DBT: variants seen among roughly 807,000 people sequenced by gnomAD.
The protein encoded by DBT is dihydrolipoamide branched chain transacylase E2, also known as lipoamide acyltransferase component of branched-chain alpha-keto acid dehydrogenase complex, mitochondrial.
In DBT, 40 loss-of-function variants were observed where a neutral mutation model predicts 51.3. The observed-to-expected ratio is 0.78, with a 90% CI of 0.61 to 1.02. The LOEUF is 1.02. DBT is among the 50% of genes least tolerant of loss of function. The pLI is 0.00. For missense variants in DBT, 510 were observed against 580.2 expected, an observed-to-expected ratio of 0.88 and a Z score of 1.24; for synonymous variants, 181 against 190.4, an observed-to-expected ratio of 0.95 and a Z score of 0.41.
At chr1:100,241,990 C>T (rs1292057897) in intron 1 of DBT, among the ~76,000 whole-genome samples, 3 of 151,618 alleles carry the variant, frequency 2.0e-5, no homozygotes, top group African/African-American at 7.3e-5. Context: ...CACTGCACTC[C>T]AGCCTGGTGA....
Position 100,240,729 on chromosome 1 carries a change from T to G in DBT, c.175+32A>C, listed in dbSNP as rs368770531. The G allele has an allele frequency of 1.8e-5, 28 of 1,553,402 alleles. No homozygotes were observed. The African/African-American group carries it at 3.1e-4, about 17-fold the overall frequency. ...TTACTGAATGAGGTACAAAACATTA[T>G]TTTATACACGTTATTTTGAAATCAT... On this transcript the variant is annotated intron_variant, in intron 2 of 10. Transcript: ENST00000370132.
intron 5 of DBT, among the ~76,000 whole-genome samples, chr1:100,216,453 T>A (rs1013327121): frequency 1.3e-5 from 2 of 152,172 alleles, no homozygotes; most frequent in East Asian, 1.9e-4. Context: ...TTTAAAAAAA[T>A]TTTTTGTAGA....
intron 3 of DBT, among the ~76,000 whole-genome samples, 179 bp from the exon 4 acceptor site, chr1:100,231,093 T>C (rs896285699): frequency 1.3e-5 from 2 of 152,200 alleles, no homozygotes; most frequent in African/African-American, 4.8e-5. Flanking sequence ...CTCTTCAATG[T>C]ATCTGCAAGA....
In DBT at chr1:100,207,005, G is replaced by A. The variant is rs569647585; in HGVS notation, c.1018-369C>T. 5.3e-5 allele frequency among the ~76,000 whole-genome samples: 8 copies of A among 152,304 alleles called. No individual in the cohort carries two copies. The South Asian group carries it at 1.7e-3, about 32-fold the overall frequency. ...GAGGCACGAGAATCGCTTGAACCTG[G>A]GAGGTGGAGGTTGCAGTGGGCCGAG... On this transcript the variant is annotated intron_variant, in intron 8 of 10. Coordinates refer to ENST00000370132, the MANE Select transcript of DBT (RefSeq NM_001918.5).
Position 100,247,927 on chromosome 1 carries a change from C to G in DBT, c.51+1843G>C, listed in dbSNP as rs1570855515. 2.6e-5 allele frequency among the ~76,000 whole-genome samples: 4 copies of G among 151,884 alleles called. No homozygotes were observed. In the South Asian group the frequency reaches 8.3e-4, roughly 32 times the overall value. Reference sequence around the variant, plus strand: ...GACCAGCCTGGCCATCATGGTGAAACCTCGTCTCTACTAAAAATACAAAAA... The same window carrying G: ...GACCAGCCTGGCCATCATGGTGAAAGCTCGTCTCTACTAAAAATACAAAAA... On this transcript the variant is annotated intron_variant, in intron 1 of 10. Coordinates refer to ENST00000370132, the MANE Select transcript of DBT (RefSeq NM_001918.5).
At chr1:100,222,529 C>T (rs1247905063) in intron 4 of DBT, among the ~76,000 whole-genome samples, 1 of 152,102 alleles carries the variant, frequency 6.6e-6, no homozygotes, top group Non-Finnish European at 1.5e-5. Context: ...CTAACTCCAC[C>T]ACTTAGTAGC....
chr1:100,230,047 T>C (rs1472855906), intron 4 of DBT, among the ~76,000 whole-genome samples: 1 of 152,220 alleles, frequency 6.6e-6, no homozygotes, highest in Non-Finnish European at 1.5e-5. Context: ...CTTTTTTTTT[T>C]GTATCAGTGG....
chr1:100,245,414 TCA>T (rs1432520453), intron 1 of DBT, among the ~76,000 whole-genome samples: 1 of 152,148 alleles, frequency 6.6e-6, no homozygotes, highest in African/African-American at 2.4e-5. Context: ...TATGGAATTA[TCA>T]GTTTTATATA....
At chr1:100,229,267 A>G (rs1359346287) in intron 4 of DBT, among the ~76,000 whole-genome samples, 1 of 152,142 alleles carries the variant, frequency 6.6e-6, no homozygotes, top group Non-Finnish European at 1.5e-5. Context: ...TCCCGGGTTC[A>G]AGCGATTCTC....
At chr1:100,237,779 G>A (rs12135215) in intron 2 of DBT, among the ~76,000 whole-genome samples, 4,463 of 152,004 alleles carry the variant, frequency 0.029, 87 homozygotes, top group Middle Eastern at 0.044. Context: ...CTGACTACAA[G>A]TCCATACCAC....
chr1:100,230,512 C>G (rs1663478777), intron 4 of DBT, among the ~76,000 whole-genome samples: 1 of 152,040 alleles, frequency 6.6e-6, no homozygotes, highest in Non-Finnish European at 1.5e-5. Context: ...CCTTTTCCCC[C>G]CCACCTTTGG....
At chr1:100,235,818 A>G (rs1663829805) in intron 2 of DBT, among the ~76,000 whole-genome samples, 1 of 152,216 alleles carries the variant, frequency 6.6e-6, no homozygotes, top group African/African-American at 2.4e-5. Flanking sequence ...TTTTGAAACA[A>G]TGTAATGAAT....
chr1:100,223,773 C>T (rs896964748), intron 4 of DBT, among the ~76,000 whole-genome samples: 1 of 151,912 alleles, frequency 6.6e-6, no homozygotes, highest in African/African-American at 2.4e-5. Context: ...TGGTCTAAAC[C>T]ACATTTACAG....
At chr1:100,225,024 A>C (rs1391929848) in intron 4 of DBT, among the ~76,000 whole-genome samples, 23 of 70,638 alleles carry the variant, frequency 3.3e-4, no homozygotes, top group African/African-American at 1.4e-3. Flanking sequence ...TCTCCCCCCA[A>C]AAAAAAAAAA....
At position 100,189,918 on chromosome 1, in the gene DBT, A is replaced by G. The variant is rs1660736259; in HGVS notation, c.*6337T>C. The G allele has an allele frequency of 6.6e-6, 1 of 152,224 alleles. No homozygotes were observed. Among genetic ancestry groups the G allele is most frequent in the South Asian group, 2.1e-4 (1 of 4,826 alleles). 9.4% of individuals were successfully genotyped at this position (152,224 alleles called of 1,614,324 possible). A position where few individuals can be genotyped will look rare whatever the true frequency, so the allele number is the denominator to read the frequency against. On this transcript the variant is annotated 3_prime_UTR_variant, in exon 11 of 11. Coordinates refer to ENST00000370132, the MANE Select transcript of DBT (RefSeq NM_001918.5). The stretch of plus-strand genomic sequence containing the variant: ...CATCTGTGCTATCTGGTATGGTGCT[A>G]TAAGCCACATGTAGCTATTTAAATT...
intron 7 of DBT, among the ~76,000 whole-genome samples, chr1:100,213,949 C>CAAAAAA (rs758614475): frequency 8.4e-6 from 1 of 118,398 alleles, no homozygotes; most frequent in Non-Finnish European, 1.8e-5. Context: ...AGATTCATAC[C>CAAAAAA]AAAAAAAAAA....
chr1:100,213,964 A>G (rs933624606), intron 7 of DBT, among the ~76,000 whole-genome samples: 3 of 135,788 alleles, frequency 2.2e-5, no homozygotes, highest in Non-Finnish European at 4.8e-5. Flanking sequence ...AAAAAAAAAA[A>G]AAAGAGAGAG....
At chr1:100,213,180 T>C (rs1662254560) in intron 7 of DBT, 1 of 479,574 alleles carries the variant, frequency 2.1e-6, no homozygotes, top group East Asian at 4.3e-5. Flanking sequence ...TCAGGGTTAC[T>C]CTGAGAATTA....
At chr1:100,218,574 A>G (rs1287010450) in intron 5 of DBT, 52 bp downstream of exon 5, 17 of 1,603,524 alleles carry the variant, frequency 1.1e-5, no homozygotes, top group Admixed American at 6.7e-5. Flanking sequence ...TTTCAGAGAT[A>G]CAAATGTACA....
Sources: allele counts gnomAD v4.1 joint callset (sites outside exome capture counted in the v4.1 genomes callset), GRCh38; gene constraint gnomAD v4.1.1; transcripts MANE v1.5; gene names NCBI Gene and HGNC (gene_info 2026-07-23, HGNC 2026-07-21).